The following SLC22A4 variants were observed in gnomAD, a reference collection of about 807,000 sequenced individuals.
SLC22A4 encodes ET transporter.
A neutral mutation model predicts 56.6 loss-of-function variants in SLC22A4; 39 were observed. The ratio of observed to expected loss-of-function variants is 0.69; its 90% CI spans 0.53 to 0.90. The LOEUF (loss-of-function observed/expected upper bound fraction) is 0.90, where lower values mean the gene tolerates loss of function less well. SLC22A4 is among the 40% of genes least tolerant of loss of function. The pLI is 0.00. For synonymous variants in SLC22A4, 241 were observed against 281.4 expected, an observed-to-expected ratio of 0.86 and a Z score of 1.44; for missense variants, 594 against 696.5, an observed-to-expected ratio of 0.85 and a Z score of 1.66.
At chr5:132,301,617 G>A (rs889597588) in intron 1 of SLC22A4, among the ~76,000 whole-genome samples, 1 of 152,216 alleles carries the variant, frequency 6.6e-6, no homozygotes, top group South Asian at 2.1e-4. Context: ...GTTATGTGGC[G>A]AAGGATAAGG....
intron 1 of SLC22A4, among the ~76,000 whole-genome samples, chr5:132,309,024 C>T (rs986033088): frequency 3.9e-5 from 6 of 152,208 alleles, no homozygotes; most frequent in African/African-American, 7.2e-5. Flanking sequence ...CCACTGGGCC[C>T]GCCATGTCAC....
chr5:132,296,902 G>A (rs1047978364), intron 1 of SLC22A4, among the ~76,000 whole-genome samples: 1 of 152,194 alleles, frequency 6.6e-6, no homozygotes, highest in East Asian at 1.9e-4. Flanking sequence ...CATGTTGTAC[G>A]CTGTTCACAG....
chr5:132,308,824 C>G (rs1050817496), intron 1 of SLC22A4, among the ~76,000 whole-genome samples: 13 of 152,266 alleles, frequency 8.5e-5, no homozygotes, highest in African/African-American at 3.1e-4. Flanking sequence ...GGGAGGTAAG[C>G]TATGTTTCAG....
At position 132,340,654 on chromosome 5, in the gene SLC22A4, G is replaced by A. The variant is rs1194913602; in HGVS notation, c.1534G>A (p.Gly512Arg). ...CACCCTTTTTTTCCCTGAAAGTTTG[G>A]GAATGACTCTTCCAGAAACCTTAGA... ...ILTLFFPESL[G>R]MTLPETLEQM... Residue 512 changes from glycine to arginine, a missense_variant, in exon 9 of 10, where the codon GGA (glycine) becomes AGA (arginine). Gly to Arg is a moderately radical substitution (Grantham distance 125). Coordinates refer to ENST00000200652, the MANE Select transcript of SLC22A4 (RefSeq NM_003059.3). The A allele has an allele frequency of 6.2e-7, 1 of 1,613,988 alleles. No individual in the cohort carries two copies. Among genetic ancestry groups the A allele is most frequent in the Admixed American group, 1.7e-5 (1 of 60,000 alleles).
At chr5:132,340,038 T>A (rs1751156912) in intron 8 of SLC22A4, among the ~76,000 whole-genome samples, 1 of 151,074 alleles carries the variant, frequency 6.6e-6, no homozygotes, top group Non-Finnish European at 1.5e-5. Flanking sequence ...ACTGATTTAA[T>A]CTGAAGTGAA....
chr5:132,331,527 G>T (rs557769285), intron 5 of SLC22A4, among the ~76,000 whole-genome samples: 2 of 152,226 alleles, frequency 1.3e-5, no homozygotes, highest in African/African-American at 2.4e-5. Context: ...ACAGGGAAGG[G>T]GGTGTTATAT....
At chr5:132,334,989 C>T in intron 7 of SLC22A4, 57 bp downstream of exon 7, 10 of 1,211,832 alleles carry the variant, frequency 8.3e-6, no homozygotes, top group Non-Finnish European at 1.2e-5. Context: ...ATTGACTAGG[C>T]TGCTTCTGAG....
Position 132,322,328 on chromosome 5 carries a change from C to A in SLC22A4, c.797C>A (p.Pro266Gln), listed in dbSNP as rs199535716. The A allele has an allele frequency of 6.1e-5, 98 of 1,613,638 alleles. No individual in the cohort carries two copies. Among genetic ancestry groups the A allele is most frequent in the Non-Finnish European group, 7.5e-5 (89 of 1,179,952 alleles). ...ATGCTGCTGCTGGCGCTGACGGTGC[C>A]GGGAGTGCTGTGTGTCCCGCTGTGG... The part of the protein sequence containing the change: ...WRMLLLALTV[P>Q]GVLCVPLWWF... Residue 266 changes from proline (P) to glutamine (Q), a missense_variant, in exon 4 of 10, where the codon CCG (proline) becomes CAG (glutamine). Pro to Gln is a moderately conservative substitution (Grantham distance 76, BLOSUM62 -1). Coordinates refer to ENST00000200652, the MANE Select transcript of SLC22A4 (RefSeq NM_003059.3).
intron 1 of SLC22A4, chr5:132,311,160 A>T (rs1385661657): frequency 6.6e-6 from 1 of 152,230 alleles, no homozygotes; most frequent in Non-Finnish European, 1.5e-5. Context: ...TGGCGAATGC[A>T]GTAAAAGCAG....
chr5:132,313,831 G>A (rs1750256893), intron 3 of SLC22A4, 63 bp downstream of exon 3: 1 of 1,520,944 alleles, frequency 6.6e-7, no homozygotes, highest in African/African-American at 1.4e-5. Flanking sequence ...CCAGAAAGAG[G>A]AAATCATTGG....
At chr5:132,339,774 A>G (rs1751149482) in intron 8 of SLC22A4, among the ~76,000 whole-genome samples, 1 of 152,182 alleles carries the variant, frequency 6.6e-6, no homozygotes, top group Non-Finnish European at 1.5e-5. Flanking sequence ...TGTTAGTGAC[A>G]CAGAGGCCTC....
Position 132,294,400 on chromosome 5 carries a change from A to G in SLC22A4, c.-217A>G, listed in dbSNP as rs1749722825. The G allele has an allele frequency of 3.2e-6, 2 of 633,942 alleles. No individual in the cohort carries two copies. Among genetic ancestry groups the G allele is most frequent in the Middle Eastern group, 4.3e-4 (1 of 2,338 alleles). 39.3% of individuals were successfully genotyped at this position (633,942 alleles called of 1,614,324 possible). ...GGGATGGGGGTGTGGTCCCAAGTGT[A>G]CAGTGGCATCAAGCTCAGCGCGAGC... On this transcript the variant is annotated 5_prime_UTR_variant, in exon 1 of 10. Coordinates refer to ENST00000200652, the MANE Select transcript of SLC22A4 (RefSeq NM_003059.3). The surrounding 1 kb of genome is among the most constrained non-coding windows in gnomAD (Gnocchi z 5.6).
intron 4 of SLC22A4, chr5:132,324,344 C>T: frequency 5.6e-6 from 2 of 355,888 alleles, no homozygotes; most frequent in Non-Finnish European, 5.7e-6. Context: ...GAGGAACGAA[C>T]AGCTCTGATC....
chr5:132,321,785 G>A (rs1352779372), intron 3 of SLC22A4, among the ~76,000 whole-genome samples: 1 of 152,114 alleles, frequency 6.6e-6, no homozygotes, highest in African/African-American at 2.4e-5. Context: ...GTGCACGCCT[G>A]TAGTTCCAGC....
At chr5:132,335,117 G>T (rs772258983) in intron 7 of SLC22A4, among the ~76,000 whole-genome samples, 185 bp downstream of exon 7, 19 of 152,198 alleles carry the variant, frequency 1.2e-4, no homozygotes, top group Non-Finnish European at 1.8e-4. Flanking sequence ...CCAAACAGAA[G>T]AGACAGTCTC....
chr5:132,302,178 A>C, intron 1 of SLC22A4, among the ~76,000 whole-genome samples: 1 of 151,908 alleles, frequency 6.6e-6, no homozygotes, highest in East Asian at 1.9e-4. Context: ...GGATCTCAGA[A>C]TATGCTTTTG....
At chr5:132,334,962 C>T (rs778466587) in intron 7 of SLC22A4, 30 bp downstream of exon 7, 46 of 1,458,234 alleles carry the variant, frequency 3.2e-5, no homozygotes, top group African/African-American at 1.1e-4. Context: ...GAACAGCTTA[C>T]CAGAAAAGAC....
chr5:132,334,773 G>A lies in SLC22A4; in HGVS notation c.1102G>A (p.Gly368Arg), dbSNP rs575659970. ...ALSLDAPNLHGDAYLNCFLSA... is the reference protein window; with the variant it reads ...ALSLDAPNLHRDAYLNCFLSA... ...GTCTCTGGATGCTCCTAATTTACAT[G>A]GAGATGCCTACCTGAACTGTTTCCT... The change falls in exon 7 of 10, where the codon GGA becomes AGA. Residue 368 changes from glycine (G) to arginine (R), a missense_variant. Physicochemically the swap from Gly to Arg is moderately radical, Grantham distance 125. Transcript: ENST00000200652. The A allele has an allele frequency of 1.2e-6, 2 of 1,614,036 alleles. No individual in the cohort carries two copies. Among genetic ancestry groups the A allele is most frequent in the South Asian group, 2.2e-5 (2 of 91,080 alleles).
intron 8 of SLC22A4, 144 bp from the exon 9 acceptor site, chr5:132,340,421 T>C: frequency 1.2e-6 from 1 of 807,936 alleles, no homozygotes; most frequent in Non-Finnish European, 2.2e-6. Flanking sequence ...AAGAAACTGA[T>C]ATTTTGCTTA....
Sources: allele counts gnomAD v4.1 joint callset (sites outside exome capture counted in the v4.1 genomes callset), GRCh38; gene constraint gnomAD v4.1.1; non-coding constraint Gnocchi (gnomAD v3.1); transcripts MANE v1.5; gene names NCBI Gene and HGNC (gene_info 2026-07-23, HGNC 2026-07-21).